GREB1: variants seen among roughly 807,000 people sequenced by gnomAD.
GREB1 encodes growth regulating estrogen receptor binding 1.
Under a neutral mutation model 200.7 loss-of-function variants are expected in GREB1, and 106 were observed. The observed-to-expected ratio is 0.53, with a 90% CI of 0.45 to 0.62. The LOEUF (loss-of-function observed/expected upper bound fraction) is 0.62. Among genes scored for constraint, GREB1 ranks in the 20% least tolerant of loss-of-function variants. GREB1 has a pLI of 0.00. For missense variants in GREB1, 2,243 were observed against 2,556.8 expected (o/e 0.88, Z 2.65); for synonymous variants, 1,132 against 1,092.4 (o/e 1.04, Z -0.72).
chr2:11,627,159 C>G, intron 25 of GREB1, 55 bp downstream of exon 25: 1 of 1,470,502 alleles, frequency 6.8e-7, no homozygotes, highest in South Asian at 1.4e-5. Flanking sequence ...ATTGTCCGTT[C>G]CCCTGCTCTC....
chr2:11,639,153 G>A (rs751142947), intron 32 of GREB1, among the ~76,000 whole-genome samples: 6 of 152,262 alleles, frequency 3.9e-5, no homozygotes, highest in East Asian at 1.9e-4. Flanking sequence ...GCAGTGGCAC[G>A]ATCTTAGCTC....
At chr2:11,552,780 G>C (rs1232721084) in intron 1 of GREB1, among the ~76,000 whole-genome samples, 1 of 152,012 alleles carries the variant, frequency 6.6e-6, no homozygotes, top group African/African-American at 2.4e-5. Flanking sequence ...GGGAGGCCGA[G>C]GCGGGCGGAT....
chr2:11,618,202 CTCCTGGGACAGGTCACTCCTGGGATGGGT>C (rs1558644000), intron 21 of GREB1, 57 bp from the exon 22 acceptor site: 20 of 1,297,482 alleles, frequency 1.5e-5, no homozygotes, highest in East Asian at 1.2e-4. Flanking sequence ...GGATGGGTGA[CTCCTGGGACAGGTCACTCCTGGGATGGGT>C]GACTCCTGGG....
chr2:11,584,923 T>C (rs12468019), intron 7 of GREB1: 200,985 of 368,502 alleles, frequency 0.55, 57,983 homozygotes, highest in African/African-American at 0.85. Context: ...CTCCCGGGAG[T>C]GGAGGACCAC....
chr2:11,637,671 C>T (rs370301042), intron 30 of GREB1, 45 bp from the exon 31 acceptor site: 58 of 1,582,472 alleles, frequency 3.7e-5, no homozygotes, highest in East Asian at 3.4e-4. Flanking sequence ...GGAAGGTCCT[C>T]GCCCCTCAGG....
chr2:11,518,676 G>A (rs1430386059), intron 1 of GREB1, among the ~76,000 whole-genome samples: 1 of 150,562 alleles, frequency 6.6e-6, no homozygotes, highest in Non-Finnish European at 1.5e-5. Flanking sequence ...ATATTTTGAT[G>A]TCAATTTGAA....
chr2:11,555,909 CAG>C (rs1676388797), intron 1 of GREB1, among the ~76,000 whole-genome samples: 1 of 152,140 alleles, frequency 6.6e-6, no homozygotes, highest in Admixed American at 6.6e-5. Context: ...AAAAAAGTCA[CAG>C]TGGTTCTCTG....
chr2:11,570,996 C>G (rs1249264583), intron 4 of GREB1, among the ~76,000 whole-genome samples: 1 of 152,100 alleles, frequency 6.6e-6, no homozygotes, highest in East Asian at 1.9e-4. Flanking sequence ...CATTTCTACA[C>G]TTGAGCTGGG....
chr2:11,608,138 C>T (rs981283343), intron 17 of GREB1, among the ~76,000 whole-genome samples: 10 of 152,172 alleles, frequency 6.6e-5, no homozygotes, highest in African/African-American at 2.4e-4. Flanking sequence ...TCTATTGTGG[C>T]TGGCAGGGCA....
At chr2:11,581,106 C>T (rs994724848) in intron 7 of GREB1, 20 of 613,682 alleles carry the variant, frequency 3.3e-5, no homozygotes, top group African/African-American at 1.1e-4. Flanking sequence ...ATGGGCTGCA[C>T]AGCTGGAGGA....
At chr2:11,486,890 A>G (rs1672669009) in intron 1 of GREB1, among the ~76,000 whole-genome samples, 1 of 151,980 alleles carries the variant, frequency 6.6e-6, no homozygotes, top group Non-Finnish European at 1.5e-5. Flanking sequence ...CAAACAAAAA[A>G]ACAACCACAG....
chr2:11,559,829 C>T (rs1203230513), intron 2 of GREB1, among the ~76,000 whole-genome samples: 1 of 152,138 alleles, frequency 6.6e-6, no homozygotes, highest in Non-Finnish European at 1.5e-5. Flanking sequence ...TGTCTCCCTC[C>T]CCACCCCACC....
intron 19 of GREB1, among the ~76,000 whole-genome samples, chr2:11,612,933 G>C (rs1379384391): frequency 6.6e-6 from 1 of 152,232 alleles, no homozygotes; most frequent in Non-Finnish European, 1.5e-5. Flanking sequence ...GGGGCGCTCT[G>C]TGTGTGCTGG....
chr2:11,588,284 A>C, intron 9 of GREB1: 1 of 1,085,384 alleles, frequency 9.2e-7, no homozygotes. Context: ...TATTGTCCCA[A>C]CTCACCTTGC....
chr2:11,544,138 AGAG>A (rs1289056454), intron 1 of GREB1, among the ~76,000 whole-genome samples: 1 of 152,156 alleles, frequency 6.6e-6, no homozygotes, highest in Non-Finnish European at 1.5e-5. Context: ...GGGACCTCAG[AGAG>A]GAGTAGGAAA....
At chr2:11,622,227 T>C (rs983821219) in intron 23 of GREB1, among the ~76,000 whole-genome samples, 2 of 152,176 alleles carry the variant, frequency 1.3e-5, no homozygotes, top group African/African-American at 4.8e-5. Context: ...TTTATAGGCA[T>C]GTGCCACCAC....
At chr2:11,568,135 C>A (rs980083133) in intron 4 of GREB1, among the ~76,000 whole-genome samples, 5 of 152,142 alleles carry the variant, frequency 3.3e-5, no homozygotes, top group African/African-American at 1.2e-4. Flanking sequence ...GTTGAAAACC[C>A]CCACAATTTC....
intron 23 of GREB1, 23 bp from the exon 24 acceptor site, chr2:11,625,131 C>T: frequency 6.3e-7 from 1 of 1,595,404 alleles, no homozygotes; most frequent in Non-Finnish European, 8.6e-7. Flanking sequence ...TTTGTCACAT[C>T]TATGTTTCTA....
chr2:11,537,722 ATTT>A (rs1674362017), intron 1 of GREB1, among the ~76,000 whole-genome samples: 1 of 147,546 alleles, frequency 6.8e-6, no homozygotes. Flanking sequence ...AATATATGAT[ATTT>A]ATATAATATA....
Sources: allele counts gnomAD v4.1 joint callset (sites outside exome capture counted in the v4.1 genomes callset), GRCh38; gene constraint gnomAD v4.1.1; transcripts MANE v1.5; gene names NCBI Gene and HGNC (gene_info 2026-07-23, HGNC 2026-07-21).